The following ARRB1 variants were observed in gnomAD, a reference collection of about 807,000 sequenced individuals.
ARRB1 encodes arrestin beta 1.
Under a neutral mutation model 56.8 loss-of-function variants are expected in ARRB1, and 21 were observed. The observed-to-expected ratio is 0.37, with a 90% CI of 0.26 to 0.53. ARRB1 has a LOEUF of 0.53. Ranked by LOEUF, ARRB1 falls within the 20% of genes least tolerant of loss-of-function variation. The pLI is 0.88. For missense variants in ARRB1, 424 were observed against 553.7 expected (o/e 0.77, Z 2.35); for synonymous variants, 210 against 218.6 (o/e 0.96, Z 0.35).
chr11:75,291,904 G>C (rs1029551973), intron 1 of ARRB1, among the ~76,000 whole-genome samples: 1 of 152,188 alleles, frequency 6.6e-6, no homozygotes, highest in African/African-American at 2.4e-5. Context: ...GGGCAGGACA[G>C]TGAGGCCCGC....
intron 1 of ARRB1, among the ~76,000 whole-genome samples, chr11:75,296,778 A>C (rs1946760281): frequency 6.6e-6 from 1 of 152,072 alleles, no homozygotes; most frequent in Non-Finnish European, 1.5e-5. Flanking sequence ...CCCAGGCTCA[A>C]GCGATTCTCC....
intron 1 of ARRB1, among the ~76,000 whole-genome samples, chr11:75,312,325 C>T (rs997542915): frequency 4.6e-5 from 7 of 152,162 alleles, no homozygotes; most frequent in Non-Finnish European, 1.0e-4. Context: ...CCCCTGACCG[C>T]CGAAGGGACA....
chr11:75,327,301 CAAAAAAAAAAAA>C (rs777940901), intron 1 of ARRB1, among the ~76,000 whole-genome samples: 3 of 60,268 alleles, frequency 5.0e-5, no homozygotes, highest in African/African-American at 2.0e-4. Flanking sequence ...AACTCCATCT[CAAAAAAAAAAAA>C]AAAAAAAAAA....
chr11:75,264,242 A>G lies in ARRB1; in HGVS notation c.*1921T>C, dbSNP rs1036141439. The G allele has an allele frequency of 1.2e-4, 19 of 152,220 alleles. No homozygotes were observed. Among genetic ancestry groups the G allele is most frequent in the African/African-American group, 4.1e-4 (17 of 41,460 alleles). The allele number at this position is 152,220 out of a possible 1,614,324, so 9.4% of individuals were successfully genotyped here. ...GAAACAGGTGATTTCACCACAGGAA[A>G]TAAGTCACACTGCCTGCCCCAGGAG... On this transcript the variant is annotated 3_prime_UTR_variant, in exon 16 of 16. Transcript: ENST00000420843.
intron 1 of ARRB1, 102 bp downstream of exon 1, chr11:75,351,486 G>A: frequency 6.8e-7 from 1 of 1,470,292 alleles, no homozygotes; most frequent in Non-Finnish European, 9.0e-7. Flanking sequence ...AGATCCCGCG[G>A]TGGCCGCGAA....
intron 1 of ARRB1, among the ~76,000 whole-genome samples, chr11:75,338,309 C>T (rs887943352): frequency 6.6e-6 from 1 of 152,142 alleles, no homozygotes; most frequent in African/African-American, 2.4e-5. Context: ...AACTAGAAGA[C>T]AATTGTAATG....
At chr11:75,314,099 T>C (rs1591966244) in intron 1 of ARRB1, among the ~76,000 whole-genome samples, 2 of 152,338 alleles carry the variant, frequency 1.3e-5, no homozygotes, top group Admixed American at 6.5e-5. Flanking sequence ...GTCAGTTCCC[T>C]GGAGCCACCA....
chr11:75,274,791 CAA>C (rs1158322521), intron 10 of ARRB1: 11 of 61,022 alleles, frequency 1.8e-4, no homozygotes, highest in Admixed American at 6.1e-4. Context: ...GACTCCATCT[CAA>C]AAAAAAAAAA....
chr11:75,318,340 G>A (rs548918725), intron 1 of ARRB1, among the ~76,000 whole-genome samples: 8 of 151,852 alleles, frequency 5.3e-5, no homozygotes, highest in Non-Finnish European at 1.0e-4. Flanking sequence ...ATTATTATTT[G>A]TGGAGACAAG....
At chr11:75,266,690 C>T (rs1486206511) in intron 15 of ARRB1, among the ~76,000 whole-genome samples, 12 of 152,122 alleles carry the variant, frequency 7.9e-5, no homozygotes, top group Middle Eastern at 3.2e-3. Context: ...AGAATAGGCC[C>T]GGCAAACCCC....
intron 14 of ARRB1, 110 bp from the exon 15 acceptor site, chr11:75,267,813 C>T: frequency 1.1e-6 from 1 of 911,052 alleles, no homozygotes; most frequent in South Asian, 1.4e-5. Context: ...ATGAGAAGGG[C>T]AAAGGATAAA....
At chr11:75,288,699 T>A (rs1946539514) in intron 2 of ARRB1, among the ~76,000 whole-genome samples, 1 of 150,798 alleles carries the variant, frequency 6.6e-6, no homozygotes, top group African/African-American at 2.4e-5. Context: ...CACTGCAACC[T>A]CTACCTCCCG....
chr11:75,303,619 G>A lies in ARRB1; in HGVS notation c.21-13580C>T, dbSNP rs552264048. 4.2e-4 allele frequency: 190 copies of A among 456,258 alleles called. 4 individuals carry two copies. Among genetic ancestry groups the A allele is most frequent in the South Asian group, 2.5e-3 (164 of 64,568 alleles). 28.3% of individuals were successfully genotyped at this position (456,258 alleles called of 1,614,324 possible). On this transcript the variant is annotated intron_variant, in intron 1 of 15. Transcript: ENST00000420843. Reference sequence around the variant, plus strand: ...TTTACCTGCAGAAGGTACAGGCCCCGGTGTCGGTGTTGTTTCCCCAGAGCA... The same window carrying A: ...TTTACCTGCAGAAGGTACAGGCCCCAGTGTCGGTGTTGTTTCCCCAGAGCA...
intron 1 of ARRB1, among the ~76,000 whole-genome samples, chr11:75,299,121 G>A (rs1946833566): frequency 6.6e-6 from 1 of 151,596 alleles, no homozygotes; most frequent in Non-Finnish European, 1.5e-5. Context: ...TTTGGGAGGT[G>A]ATGAAAATGT....
At chr11:75,327,090 G>A (rs1947447096) in intron 1 of ARRB1, among the ~76,000 whole-genome samples, 1 of 151,842 alleles carries the variant, frequency 6.6e-6, no homozygotes, top group South Asian at 2.1e-4. Context: ...CGAGGCGGGC[G>A]GGTCACGAGG....
intron 1 of ARRB1, among the ~76,000 whole-genome samples, chr11:75,300,613 T>C (rs1946876941): frequency 2.0e-5 from 3 of 151,114 alleles, no homozygotes; most frequent in Admixed American, 6.6e-5. Context: ...GGGCGGATCA[T>C]GTGGTCAAGA....
At chr11:75,267,850 T>G in intron 14 of ARRB1, 147 bp from the exon 15 acceptor site, 1 of 697,964 alleles carries the variant, frequency 1.4e-6, no homozygotes, top group Non-Finnish European at 2.5e-6. Context: ...GGAGGACTCA[T>G]TCCTGGTACT....
chr11:75,282,696 G>A (rs977917859), intron 5 of ARRB1, among the ~76,000 whole-genome samples: 1 of 152,222 alleles, frequency 6.6e-6, no homozygotes, highest in Non-Finnish European at 1.5e-5. Flanking sequence ...TTGCTGCCGA[G>A]TTTGTGGCAA....
At chr11:75,295,975 AGGAGTTTGAG>A (rs1361097786) in intron 1 of ARRB1, among the ~76,000 whole-genome samples, 1 of 152,146 alleles carries the variant, frequency 6.6e-6, no homozygotes, top group African/African-American at 2.4e-5. Flanking sequence ...ACTTGAGGCC[AGGAGTTTGAG>A]ACCAGCCCGG....
Sources: gnomAD v4.1 joint callset for allele counts (sites outside exome capture counted in the v4.1 genomes callset) on GRCh38, gnomAD v4.1.1 for gene constraint, MANE v1.5 for transcripts, NCBI Gene and HGNC (gene_info 2026-07-23, HGNC 2026-07-21) for gene names.